The following RBFOX1 variants were observed in gnomAD, a reference collection of about 807,000 sequenced individuals.
The protein encoded by RBFOX1 is RNA binding protein fox-1 homolog 1.
A neutral mutation model predicts 57.7 loss-of-function variants in RBFOX1; 8 were observed. The ratio of observed to expected loss-of-function variants is 0.14; its 90% CI spans 0.08 to 0.25. The LOEUF (loss-of-function observed/expected upper bound fraction) is 0.25. Ranked by LOEUF, RBFOX1 falls within the 10% of genes least tolerant of loss-of-function variation. RBFOX1 has a pLI of 1.00. For missense variants in RBFOX1, 611 were observed against 548.5 expected, an observed-to-expected ratio of 1.11 and a Z score of -1.14; for synonymous variants, 326 against 222.4, an observed-to-expected ratio of 1.47 and a Z score of -4.15.
intron 2 of RBFOX1, among the ~76,000 whole-genome samples, chr16:6,431,509 CA>C (rs1214907259): frequency 6.6e-6 from 1 of 151,898 alleles, no homozygotes; most frequent in Non-Finnish European, 1.5e-5. Context: ...AATGTCTGCT[CA>C]GTTGGCAGGT....
intron 1 of RBFOX1, among the ~76,000 whole-genome samples, chr16:6,023,647 C>T (rs1446900182): frequency 6.6e-6 from 1 of 152,188 alleles, no homozygotes; most frequent in Non-Finnish European, 1.5e-5. Context: ...AGCACGTTTG[C>T]TCTGAAGGAC....
intron 3 of RBFOX1, among the ~76,000 whole-genome samples, chr16:5,718,557 C>T (rs1436068211): frequency 2.0e-5 from 3 of 152,190 alleles, no homozygotes; most frequent in Non-Finnish European, 4.4e-5. Flanking sequence ...TTATTAAATG[C>T]ATGGGGCTTT....
At chr16:7,618,517 A>C (rs1393731971) in intron 10 of RBFOX1, among the ~76,000 whole-genome samples, 1 of 152,182 alleles carries the variant, frequency 6.6e-6, no homozygotes, top group African/African-American at 2.4e-5. Context: ...AGCGATTTCA[A>C]ACGCAAGGTG....
chr16:5,571,347 A>G (rs946024267), intron 2 of RBFOX1, among the ~76,000 whole-genome samples: 1 of 149,738 alleles, frequency 6.7e-6, no homozygotes. Flanking sequence ...CAGCCTCCCA[A>G]GTAGCTGGGA....
chr16:6,020,104 GC>G (rs1210719712), intron 1 of RBFOX1, 112 bp downstream of exon 1: 2 of 1,202,984 alleles, frequency 1.7e-6, no homozygotes, highest in Non-Finnish European at 2.2e-6. Context: ...TCCTCCTAGC[GC>G]CAGTCTGGGC....
intron 3 of RBFOX1, among the ~76,000 whole-genome samples, chr16:5,641,360 T>A (rs896701555): frequency 2.6e-5 from 4 of 152,182 alleles, no homozygotes; most frequent in African/African-American, 7.2e-5. Context: ...AATTATGCAA[T>A]AAACTACATA....
intron 3 of RBFOX1, among the ~76,000 whole-genome samples, chr16:6,798,511 A>T (rs986722580): frequency 1.2e-4 from 18 of 152,108 alleles, no homozygotes; most frequent in African/African-American, 4.3e-4. Context: ...CAGACCCCTG[A>T]TGCTTAAATA....
intron 3 of RBFOX1, among the ~76,000 whole-genome samples, chr16:7,039,968 C>G (rs1490384586): frequency 6.6e-6 from 1 of 151,654 alleles, no homozygotes; most frequent in African/African-American, 2.4e-5. Flanking sequence ...GATAGCCACC[C>G]TACATTTACT....
intron 3 of RBFOX1, among the ~76,000 whole-genome samples, chr16:6,688,090 A>C (rs1305055286): frequency 6.6e-6 from 1 of 152,194 alleles, no homozygotes; most frequent in Non-Finnish European, 1.5e-5. Flanking sequence ...TAATTTACAA[A>C]GAAAAGAGAT....
chr16:7,692,612 C>G (rs562459439), intron 14 of RBFOX1, among the ~76,000 whole-genome samples: 1 of 152,058 alleles, frequency 6.6e-6, no homozygotes, highest in Non-Finnish European at 1.5e-5. Flanking sequence ...TATTTGTAGA[C>G]GAATTAGTAC....
At chr16:7,455,114 T>A (rs1333664336) in intron 4 of RBFOX1, among the ~76,000 whole-genome samples, 1 of 152,238 alleles carries the variant, frequency 6.6e-6, no homozygotes, top group African/African-American at 2.4e-5. Context: ...TTCTGCCATC[T>A]TGAAGCCTCA....
At chr16:6,694,428 C>A (rs945011708) in intron 3 of RBFOX1, among the ~76,000 whole-genome samples, 5 of 152,164 alleles carry the variant, frequency 3.3e-5, no homozygotes, top group African/African-American at 4.8e-5. Context: ...TTGGTCTTAC[C>A]ATGTGAACAT....
chr16:6,933,764 T>C (rs2076936669), intron 3 of RBFOX1, among the ~76,000 whole-genome samples: 1 of 152,166 alleles, frequency 6.6e-6, no homozygotes, highest in Non-Finnish European at 1.5e-5. Flanking sequence ...GGGGAAGAAG[T>C]ATGGTCAGAA....
At chr16:5,394,065 C>A (rs2066483642) in intron 1 of RBFOX1, among the ~76,000 whole-genome samples, 1 of 152,008 alleles carries the variant, frequency 6.6e-6, no homozygotes, top group South Asian at 2.1e-4. Flanking sequence ...ACTCTGTTGC[C>A]CATGTTGGAG....
At chr16:7,580,036 A>G in intron 6 of RBFOX1, 116 bp downstream of exon 6, 5 of 1,140,636 alleles carry the variant, frequency 4.4e-6, no homozygotes, top group Non-Finnish European at 6.2e-6. Context: ...ATGGGGAGAA[A>G]CAATTTAGAG....
At chr16:6,455,992 A>T (rs920213209) in intron 2 of RBFOX1, among the ~76,000 whole-genome samples, 1 of 151,806 alleles carries the variant, frequency 6.6e-6, no homozygotes, top group African/African-American at 2.4e-5. Context: ...ACTGAGCACA[A>T]AGCTTATATC....
At chr16:5,722,594 G>C (rs1467260926) in intron 3 of RBFOX1, among the ~76,000 whole-genome samples, 3 of 152,136 alleles carry the variant, frequency 2.0e-5, no homozygotes, top group Admixed American at 6.5e-5. Flanking sequence ...CTTTATCAGT[G>C]AAATCTTTTG....
intron 2 of RBFOX1, among the ~76,000 whole-genome samples, chr16:5,494,381 C>A (rs536715957): frequency 1.3e-5 from 2 of 152,136 alleles, no homozygotes; most frequent in East Asian, 3.9e-4. Flanking sequence ...AGGGAAAGAA[C>A]GAGAACACTA....
At chr16:7,004,585 G>T (rs2153640053) in intron 3 of RBFOX1, among the ~76,000 whole-genome samples, 1 of 152,278 alleles carries the variant, frequency 6.6e-6, no homozygotes, top group African/African-American at 2.4e-5. Flanking sequence ...TTAGTACAAT[G>T]AATTTCTATT....
Sources: gnomAD v4.1 joint callset for allele counts (sites outside exome capture counted in the v4.1 genomes callset) on GRCh38, gnomAD v4.1.1 for gene constraint, MANE v1.5 for transcripts, NCBI Gene and HGNC (gene_info 2026-07-23, HGNC 2026-07-21) for gene names.